PTPRB: variants seen among roughly 807,000 people sequenced by gnomAD.
PTPRB encodes the protein protein tyrosine phosphatase receptor type B.
In PTPRB, 97 loss-of-function variants were observed where a neutral mutation model predicts 238.1. That is an observed-to-expected ratio of 0.41 (90% CI 0.35 to 0.48). PTPRB has a LOEUF of 0.48. Ranked by LOEUF, PTPRB falls within the 20% of genes least tolerant of loss-of-function variation. PTPRB has a pLI of 0.30. For synonymous variants in PTPRB, 970 were observed against 995.4 expected (o/e 0.97, Z 0.48); for missense variants, 2,292 against 2,681.9 (o/e 0.85, Z 3.21).
rs369539242 is a variant in PTPRB, at chr12:70,531,836, C to T, written c.6504+199G>A. Among the ~76,000 whole-genome samples, 168 of 152,218 alleles carry T rather than the reference C, an allele frequency of 1.1e-3. 5 individuals carry two copies. In the South Asian group the frequency reaches 0.032, roughly 29 times the overall value. ...ATCTGCCAGCCTATCTTAAAATGAT[C>T]CCCAAGATGGTCACCTTCAAGACCA... is the stretch of plus-strand genomic sequence containing the variant. On this transcript the variant is annotated intron_variant, in intron 32 of 33. Transcript: ENST00000334414.
intron 32 of PTPRB, among the ~76,000 whole-genome samples, chr12:70,530,536 A>G (rs1873081793): frequency 6.6e-6 from 1 of 152,208 alleles, no homozygotes; most frequent in African/African-American, 2.4e-5. Context: ...ACATATGTGT[A>G]TATAAGTATA....
At chr12:70,595,206 C>T (rs1006889777) in intron 5 of PTPRB, among the ~76,000 whole-genome samples, 7 of 152,062 alleles carry the variant, frequency 4.6e-5, no homozygotes, top group South Asian at 2.1e-4. Flanking sequence ...GAACAGAAAA[C>T]CAAACACTGC....
At chr12:70,551,549 G>GT (rs34955832) in intron 21 of PTPRB, among the ~76,000 whole-genome samples, 10 of 151,618 alleles carry the variant, frequency 6.6e-5, no homozygotes, top group African/African-American at 2.2e-4. Flanking sequence ...TGGCAGGAGA[G>GT]TTTTTTTTTC....
intron 9 of PTPRB, among the ~76,000 whole-genome samples, chr12:70,582,509 T>C (rs1881492595): frequency 6.6e-6 from 1 of 152,064 alleles, no homozygotes; most frequent in Non-Finnish European, 1.5e-5. Context: ...AGCCCAGAGA[T>C]AGAAGAATAT....
At chr12:70,576,093 G>A (rs1880654163) in intron 11 of PTPRB, among the ~76,000 whole-genome samples, 1 of 152,154 alleles carries the variant, frequency 6.6e-6, no homozygotes, top group Non-Finnish European at 1.5e-5. Flanking sequence ...TCAATAAGGA[G>A]TTCATAAGGG....
At chr12:70,605,206 T>C (rs574911727) in intron 4 of PTPRB, among the ~76,000 whole-genome samples, 91 of 152,354 alleles carry the variant, frequency 6.0e-4, no homozygotes, top group African/African-American at 2.0e-3. Context: ...GGTAAAGTTA[T>C]CTACCACTAC....
At chr12:70,626,505 A>G (rs1321576831) in intron 2 of PTPRB, among the ~76,000 whole-genome samples, 1 of 151,644 alleles carries the variant, frequency 6.6e-6, no homozygotes, top group Non-Finnish European at 1.5e-5. Flanking sequence ...TATTAGGAAA[A>G]AAATGGATGG....
At chr12:70,588,112 A>AAGAAAAG (rs1555232500) in intron 8 of PTPRB, among the ~76,000 whole-genome samples, 2,916 of 148,610 alleles carry the variant, frequency 0.02, 114 homozygotes, top group African/African-American at 0.07. Flanking sequence ...AAAAAAAAAA[A>AAGAAAAG]AGAAAAGAAA....
rs752896391 is a variant in PTPRB at position 70,566,451 on chromosome 12, C to G, written c.3888G>C (p.Gln1296His). ...GCTAATTACCTGTTCGGCCTTCAGT[C>G]TGGGCTTCCTTGCTAAAGAGGCCTC... The part of the protein sequence containing the change: ...VSGGLFSKEA[Q>H]TEGRTVPAAV... The change falls in exon 15 of 34, where the codon CAG becomes CAC. Residue 1296 changes from glutamine to histidine, a missense_variant. By Grantham distance (24) the Gln-to-His change is conservative. Coordinates refer to ENST00000334414, the MANE Select transcript of PTPRB (RefSeq NM_001109754.4). 2 of 1,613,842 alleles carry G rather than the reference C, an allele frequency of 1.2e-6. No individual in the cohort carries two copies. The highest frequency in any genetic ancestry group is 1.1e-5 in the South Asian group (1 of 91,058).
At chr12:70,565,288 C>T (rs914961943) in intron 15 of PTPRB, among the ~76,000 whole-genome samples, 2 of 152,208 alleles carry the variant, frequency 1.3e-5, no homozygotes, top group Non-Finnish European at 2.9e-5. Context: ...AGGAAGGCTA[C>T]CAGGCACCCT....
Position 70,555,910 on chromosome 12 carries a change from G to A in PTPRB, c.4953C>T (p.Thr1651=), listed in dbSNP as rs1382985164. ...VSIKVQSAGM[T]SEVVEDSTIT... is the part of the protein sequence containing the mutation. ...TAGTGCTGTCTTCAACCACCTCGCT[G>A]GTCATGCCGGCCGACTGCACTTTGA... Residue 1651 remains threonine (T), a synonymous_variant, in exon 19 of 34, where the codon ACC becomes ACT. Transcript: ENST00000334414. 2.5e-6 allele frequency: 4 copies of A among 1,613,326 alleles called. No individual in the cohort carries two copies. In the African/African-American group the frequency reaches 5.3e-5, roughly 22 times the overall value.
In PTPRB at chr12:70,569,825, T is replaced by G. The variant is rs1194143688; in HGVS notation, c.3484A>C (p.Arg1162=). Residue 1162 remains arginine (R), a synonymous_variant, in exon 14 of 34, where the codon AGG becomes CGG. Transcript: ENST00000334414. The stretch of plus-strand genomic sequence containing the variant: ...TGAGAGTCAACCTTTTGACTGTGCC[T>G]GAATGCCGACACCGTGTAGGAATCA... ...DVDSYTVSAF[R]HSQKVDSQTI... is the part of the protein sequence containing the mutation. The G allele has an allele frequency of 6.2e-7, 1 of 1,613,982 alleles. No individual in the cohort carries two copies. Among genetic ancestry groups the G allele is most frequent in the Non-Finnish European group, 8.5e-7 (1 of 1,179,894 alleles).
At chr12:70,568,801 C>T (rs1233847145) in intron 14 of PTPRB, among the ~76,000 whole-genome samples, 1 of 152,140 alleles carries the variant, frequency 6.6e-6, no homozygotes, top group East Asian at 1.9e-4. Flanking sequence ...GCCAGACAGA[C>T]CTAGACTTGA....
chr12:70,592,088 G>T, intron 7 of PTPRB, 194 bp downstream of exon 7: 1 of 678,700 alleles, frequency 1.5e-6, no homozygotes, highest in Non-Finnish European at 2.4e-6. Context: ...ACAACATGCA[G>T]ATCATTCAGA....
At position 70,555,875 on chromosome 12, in the gene PTPRB, A is replaced by G; in HGVS notation, c.4988T>C (p.Ile1663Thr). 1 of 1,612,410 alleles carries G rather than the reference A, an allele frequency of 6.2e-7. No homozygotes were observed. The highest frequency in any genetic ancestry group is 8.5e-7 in the Non-Finnish European group (1 of 1,179,842). ...EVVEDSTITM[I>T]DRPPPPPPHI... is the part of the protein sequence containing the mutation. ...GCACCTCCAGGGACACTTACGGTCT[A>G]TCATTGTGATAGTGCTGTCTTCAAC... Residue 1663 changes from isoleucine (I) to threonine (T), a missense_variant, in exon 19 of 34, where the codon ATA becomes ACA. Ile to Thr is a moderately conservative substitution (Grantham distance 89). Around this residue, in one of 4 missense-constraint regions of PTPRB, gnomAD observed 683 missense variants for 862.0 expected, o/e 0.79. Transcript: ENST00000334414.
intron 2 of PTPRB, among the ~76,000 whole-genome samples, chr12:70,625,058 T>C (rs1363902896): frequency 2.0e-5 from 3 of 152,288 alleles, no homozygotes; most frequent in South Asian, 4.1e-4. Context: ...CTTCTAAATA[T>C]ATTTTTAAAG....
At position 70,596,102 on chromosome 12, in the gene PTPRB, G is replaced by A. The variant is rs760208180; in HGVS notation, c.1205C>T (p.Thr402Ile). The A allele has an allele frequency of 4.3e-6, 7 of 1,613,144 alleles. No homozygotes were observed. The highest frequency in any genetic ancestry group is 1.7e-4 in the Middle Eastern group (1 of 6,054). Residue 402 changes from threonine to isoleucine, a missense_variant, in exon 5 of 34, where the codon ACA becomes ATA. Physicochemically the swap from Thr to Ile is moderately conservative, Grantham distance 89. Around this residue, in one of 4 missense-constraint regions of PTPRB, gnomAD observed 1,205 missense variants for 1,287.8 expected, o/e 0.94. Transcript: ENST00000334414. ...TAGSKYNIAI[T>I]AVSGGKRSFS... The stretch of plus-strand genomic sequence containing the variant: ...AGAACGTTTTCCTCCAGAAACAGCT[G>A]TGATGGCAATATTGTATTTACTACC...
At chr12:70,553,642 T>G (rs1458251065) in intron 20 of PTPRB, among the ~76,000 whole-genome samples, 2 of 152,174 alleles carry the variant, frequency 1.3e-5, no homozygotes, top group Non-Finnish European at 2.9e-5. Flanking sequence ...GCAAACCAGT[T>G]TTGATGTTGG....
chr12:70,554,080 A>G (rs1048820561), intron 20 of PTPRB, among the ~76,000 whole-genome samples: 16 of 152,200 alleles, frequency 1.1e-4, no homozygotes, highest in African/African-American at 3.4e-4. Context: ...TTTATCTTCA[A>G]TTATGTGGTG....
Sources: gnomAD v4.1 joint callset for allele counts (sites outside exome capture counted in the v4.1 genomes callset) on GRCh38, gnomAD v4.1.1 for gene constraint, gnomAD v4.1.1 regional missense constraint, MANE v1.5 for transcripts, NCBI Gene and HGNC (gene_info 2026-07-23, HGNC 2026-07-21) for gene names.